Variants in QTGAL observed in about 807,000 individuals in gnomAD.
QTGAL encodes the protein queuosine-tRNA galactosyltransferase.
the QTGAL span, among the ~76,000 whole-genome samples, chr17:83,024,415 C>T: frequency 3.9e-4 from 60 of 152,372 alleles, no homozygotes; most frequent in African/African-American, 1.3e-3. Flanking sequence ...GCGGTTCAGA[C>T]GGAGTTCGCG....
the QTGAL span, among the ~76,000 whole-genome samples, chr17:82,965,283 G>A: frequency 1.3e-5 from 2 of 152,122 alleles, no homozygotes; most frequent in Non-Finnish European, 2.9e-5. Context: ...GCACCCCCGG[G>A]GGGAGGATGG....
At chr17:82,982,593 C>G in the QTGAL span, among the ~76,000 whole-genome samples, 1 of 122,966 alleles carries the variant, frequency 8.1e-6, no homozygotes, top group African/African-American at 3.8e-5. Context: ...TCAGGCCTCA[C>G]AGAGACCAAA....
chr17:82,966,898 G>A, the QTGAL span, among the ~76,000 whole-genome samples: 2 of 152,214 alleles, frequency 1.3e-5, no homozygotes, highest in Non-Finnish European at 2.9e-5. Flanking sequence ...TCCAGGCTGG[G>A]ACAAAACATT....
chr17:83,019,412 T>TA, the QTGAL span, among the ~76,000 whole-genome samples: 2 of 152,218 alleles, frequency 1.3e-5, no homozygotes, highest in Non-Finnish European at 2.9e-5. Context: ...AAGTTGTATT[T>TA]AAAAAACTAA....
At chr17:82,973,918 A>C in the QTGAL span, among the ~76,000 whole-genome samples, 1 of 151,964 alleles carries the variant, frequency 6.6e-6, no homozygotes, top group Non-Finnish European at 1.5e-5. Flanking sequence ...AGTGGCAGAG[A>C]CCCAGGTGGG....
chr17:82,987,220 C>A, the QTGAL span, among the ~76,000 whole-genome samples: 1 of 152,132 alleles, frequency 6.6e-6, no homozygotes, highest in Non-Finnish European at 1.5e-5. Context: ...ATTATATACA[C>A]CTACTATGTG....
At chr17:82,996,404 C>T in the QTGAL span, among the ~76,000 whole-genome samples, 2 of 152,002 alleles carry the variant, frequency 1.3e-5, no homozygotes, top group South Asian at 2.1e-4. Flanking sequence ...CACCTGTAGT[C>T]CCAGCTGCTC....
chr17:82,984,268 AG>A, the QTGAL span, among the ~76,000 whole-genome samples: 1 of 57,766 alleles, frequency 1.7e-5, no homozygotes, highest in Middle Eastern at 7.8e-3. Context: ...ATGATCACGC[AG>A]GGGAGAGGCC....
the QTGAL span, among the ~76,000 whole-genome samples, chr17:83,033,894 G>C: frequency 6.6e-6 from 1 of 152,138 alleles, no homozygotes; most frequent in Non-Finnish European, 1.5e-5. Flanking sequence ...CATCCACTCT[G>C]AGAGTCTGCT....
At chr17:83,016,490 G>A in the QTGAL span, among the ~76,000 whole-genome samples, 1 of 150,792 alleles carries the variant, frequency 6.6e-6, no homozygotes, top group Non-Finnish European at 1.5e-5. Flanking sequence ...ATGGAGGAGT[G>A]AGAAGGGATG....
chr17:82,951,948 C>T, the QTGAL span, among the ~76,000 whole-genome samples: 8 of 151,516 alleles, frequency 5.3e-5, no homozygotes, highest in African/African-American at 1.2e-4. Flanking sequence ...TGACATATTG[C>T]GAGAATTAAC....
At chr17:82,949,065 T>A in the QTGAL span, 69 of 152,256 alleles carry the variant, frequency 4.5e-4, no homozygotes, top group African/African-American at 1.4e-3. Context: ...AAATAATAAT[T>A]TACTGAAGGG....
chr17:83,035,742 C>T, the QTGAL span, among the ~76,000 whole-genome samples: 2 of 152,202 alleles, frequency 1.3e-5, no homozygotes, highest in African/African-American at 4.8e-5. Context: ...TAAAATATCC[C>T]TGGAAGGAAG....
the QTGAL span, among the ~76,000 whole-genome samples, chr17:83,034,844 C>G: frequency 6.6e-6 from 1 of 152,226 alleles, no homozygotes; most frequent in African/African-American, 2.4e-5. Context: ...GTCTATTAAA[C>G]TTCTTTTTCT....
chr17:83,038,905 ACC>A, the QTGAL span, among the ~76,000 whole-genome samples: 2 of 141,386 alleles, frequency 1.4e-5, 1 homozygote, highest in Non-Finnish European at 3.2e-5. Context: ...AGTTTCAAAA[ACC>A]AATTTGTTTA....
chr17:83,026,627 GGCAGGAAGCCTGCAGAC>G, the QTGAL span, among the ~76,000 whole-genome samples: 111 of 151,566 alleles, frequency 7.3e-4, 14 homozygotes, highest in African/African-American at 1.3e-3. Flanking sequence ...CACAGAGGAG[GGCAGGAAGCCTGCAGAC>G]AAACCCACCC....
chr17:83,036,109 T>C, the QTGAL span, among the ~76,000 whole-genome samples: 1 of 152,146 alleles, frequency 6.6e-6, no homozygotes, highest in Non-Finnish European at 1.5e-5. Flanking sequence ...CAGAACTTAA[T>C]CTGCATGGCC....
At chr17:82,981,008 G>C in the QTGAL span, 6 of 152,314 alleles carry the variant, frequency 3.9e-5, no homozygotes, top group African/African-American at 1.4e-4. Context: ...GAAGGAACTT[G>C]TAAACAAAAG....
the QTGAL span, among the ~76,000 whole-genome samples, chr17:82,955,407 T>C: frequency 1.3e-5 from 2 of 152,180 alleles, no homozygotes; most frequent in African/African-American, 4.8e-5. Context: ...CAATGAGATA[T>C]CACTGGTCGT....
Sources: gnomAD v4.1 joint callset for allele counts (sites outside exome capture counted in the v4.1 genomes callset) on GRCh38, gnomAD v4.1.1 for gene constraint, MANE v1.5 for transcripts, NCBI Gene and HGNC (gene_info 2026-07-23, HGNC 2026-07-21) for gene names.